The following SIGLEC12 variants were observed in gnomAD, a reference collection of about 807,000 sequenced individuals.
SIGLEC12 encodes the protein sialic acid-binding Ig-like lectin 12.
SIGLEC12 carries 43 observed loss-of-function variants against 54.1 expected under a neutral mutation model. The observed-to-expected ratio is 0.80, with a 90% CI of 0.62 to 1.03. The LOEUF (loss-of-function observed/expected upper bound fraction) is 1.03. Among genes scored for constraint, SIGLEC12 ranks in the 50% least tolerant of loss-of-function variants. The probability of loss-of-function intolerance (pLI) is 0.00; values close to 1 mark genes in which losing one functional copy is unlikely to be tolerated. For synonymous variants in SIGLEC12, 357 were observed against 307.6 expected, an observed-to-expected ratio of 1.16 and a Z score of -1.68; for missense variants, 802 against 735.2, an observed-to-expected ratio of 1.09 and a Z score of -1.05.
Position 51,496,878 on chromosome 19 carries a change from A to G in SIGLEC12, c.1599+2T>C, listed in dbSNP as rs750406844. The G allele has an allele frequency of 3.2e-5, 52 of 1,613,864 alleles. No individual in the cohort carries two copies. In the African/African-American group the frequency reaches 6.7e-4, roughly 21 times the overall value. The stretch of plus-strand genomic sequence containing the variant: ...AAGGGCTGTGATTCAATGCTCACTC[A>G]CCTGAGAGGCTGAGCCCCTGACAGC... On this transcript the variant is annotated splice_donor_variant, in intron 7 of 7. Transcript: ENST00000291707. LOFTEE classifies it high-confidence loss of function.
At position 51,500,225 on chromosome 19, in the gene SIGLEC12, G is replaced by C. The variant is rs1453931505; in HGVS notation, c.503C>G (p.Ser168Cys). 1.2e-6 allele frequency: 2 copies of C among 1,614,082 alleles called. No individual in the cohort carries two copies. The highest frequency in any genetic ancestry group is 2.7e-5 in the African/African-American group (2 of 74,908). ...SVTVQEGLCV[S>C]VPCSVLYPHY... ...GGGGTAAAGGACACTGCAGGGCACA[G>C]AGACACACAGACCCTCCTGCACAGT... is the stretch of plus-strand genomic sequence containing the variant. The change falls in exon 2 of 8, where the codon TCT (serine) becomes TGT (cysteine). Residue 168 changes from serine (S) to cysteine (C), a missense_variant. Physicochemically the swap from Ser to Cys is moderately radical, Grantham distance 112. Transcript: ENST00000291707.
At chr19:51,495,158 CGGGT>C (rs1248105468) in intron 7 of SIGLEC12, among the ~76,000 whole-genome samples, 6 of 103,350 alleles carry the variant, frequency 5.8e-5, no homozygotes, top group South Asian at 4.0e-4. Flanking sequence ...GATGGATGGA[CGGGT>C]GGGTGGGTGG....
At position 51,501,439 on chromosome 19, in the gene SIGLEC12, G is replaced by C. The variant is rs770124010; in HGVS notation, c.295C>G (p.Pro99Ala). Residue 99 changes from proline (P) to alanine (A), a missense_variant, in exon 1 of 8, where the codon CCA becomes GCA. By Grantham distance (27) the Pro-to-Ala change is conservative. Coordinates refer to ENST00000291707, the MANE Select transcript of SIGLEC12 (RefSeq NM_053003.4). ...TRDRFHLLGD[P>A]QNKDCTLSIR... is the part of the protein sequence containing the mutation. The stretch of plus-strand genomic sequence containing the variant: ...CTCAGGGTACAATCCTTGTTCTGTG[G>C]GTCCCCAAGGAGGTGGAATCGGTCC... The C allele has an allele frequency of 9.3e-6, 15 of 1,614,040 alleles. No homozygotes were observed. The Admixed American group carries it at 2.3e-4, about 25-fold the overall frequency.
chr19:51,499,069 G>C, intron 4 of SIGLEC12, 101 bp downstream of exon 4: 4 of 1,275,986 alleles, frequency 3.1e-6, no homozygotes, highest in Non-Finnish European at 4.5e-6. Flanking sequence ...GGGGGCCGGG[G>C]CTCACCCACA....
Position 51,498,073 on chromosome 19 carries a change from G to C in SIGLEC12, c.1350C>G (p.Asn450Lys). The C allele has an allele frequency of 6.2e-7, 1 of 1,614,230 alleles. No homozygotes were observed. Among genetic ancestry groups the C allele is most frequent in the South Asian group, 1.1e-5 (1 of 91,080 alleles). ...DEGEFTCRAQ[N>K]PLGSQHISLS... ...GGGAAATGTGCTGGGAGCCTAGAGG[G>C]TTCTGAGCTCGGCAGGTGAATTCCC... Residue 450 changes from asparagine (N) to lysine (K), a missense_variant, in exon 5 of 8, where the codon AAC (asparagine) becomes AAG (lysine). By Grantham distance (94) the Asn-to-Lys change is moderately conservative (BLOSUM62 0). Transcript: ENST00000291707.
intron 7 of SIGLEC12, among the ~76,000 whole-genome samples, chr19:51,496,297 C>T (rs373505915): frequency 1.3e-4 from 20 of 152,096 alleles, no homozygotes; most frequent in African/African-American, 4.1e-4. Flanking sequence ...GGAGAAACTC[C>T]GTCTCTACTA....
intron 5 of SIGLEC12, 129 bp downstream of exon 5, chr19:51,497,888 CA>C (rs1424233261): frequency 6.2e-5 from 82 of 1,315,210 alleles, no homozygotes; most frequent in Non-Finnish European, 7.5e-5. Flanking sequence ...CCCCTCTCCC[CA>C]CCCCGCACTC....
chr19:51,493,636 G>A (rs553942343), intron 7 of SIGLEC12, among the ~76,000 whole-genome samples: 4 of 152,120 alleles, frequency 2.6e-5, no homozygotes, highest in Non-Finnish European at 4.4e-5. Context: ...GCAAAAATCT[G>A]GAAGTCTTCT....
intron 7 of SIGLEC12, among the ~76,000 whole-genome samples, chr19:51,495,778 A>G (rs1442004565): frequency 1.3e-5 from 2 of 152,162 alleles, no homozygotes; most frequent in Non-Finnish European, 2.9e-5. Flanking sequence ...TCCTGAATGA[A>G]TTAATGAATG....
In SIGLEC12 at chr19:51,491,588, T is replaced by C; in HGVS notation, c.*53A>G. Reference sequence around the variant, plus strand: ...ATTCTAAAGGAATCAGTCTCGGGCTTCTTTGCTGCAGGGGTCGTGAGCCCT... The same window carrying C: ...ATTCTAAAGGAATCAGTCTCGGGCTCCTTTGCTGCAGGGGTCGTGAGCCCT... On this transcript the variant is annotated 3_prime_UTR_variant, in exon 8 of 8. Transcript: ENST00000291707. The C allele has an allele frequency of 1.9e-6, 3 of 1,556,254 alleles. No homozygotes were observed. The highest frequency in any genetic ancestry group is 2.7e-6 in the Non-Finnish European group (3 of 1,129,368).
chr19:51,499,006 A>G (rs1292882428), intron 4 of SIGLEC12, among the ~76,000 whole-genome samples, 164 bp downstream of exon 4: 2 of 151,746 alleles, frequency 1.3e-5, no homozygotes, highest in Non-Finnish European at 2.9e-5. Flanking sequence ...AAGGGGAGTG[A>G]AGGGGTGATG....
rs1568528773 is a variant in SIGLEC12, at chr19:51,495,254, T to TGGAC, written c.1599+1625_1599+1626insGTCC. 1.5e-3 allele frequency among the ~76,000 whole-genome samples: 164 copies of TGGAC among 106,010 alleles called. 5 individuals are homozygous for TGGAC. The highest frequency in any genetic ancestry group is 1.9e-3 in the Non-Finnish European group (95 of 50,700). 69.5% of individuals were successfully genotyped at this position (106,010 alleles called of 152,430 possible). A position where few individuals can be genotyped will look rare whatever the true frequency, so the allele number is the denominator to read the frequency against. On this transcript the variant is annotated intron_variant, in intron 7 of 7. Transcript: ENST00000291707. Reference sequence around the variant, plus strand: ...ATGGATGGATGGATGGATGGACGGGTGGGTGGGTGGATGGATGGATGGATG... The same window carrying TGGAC: ...ATGGATGGATGGATGGATGGACGGGTGGACGGGTGGGTGGATGGATGGATGGATG...
chr19:51,500,381 G>A (rs768900306), intron 1 of SIGLEC12, 81 bp from the exon 2 acceptor site: 14 of 1,609,916 alleles, frequency 8.7e-6, no homozygotes, highest in Non-Finnish European at 1.0e-5. Context: ...CATCTCTGAG[G>A]CAGAGGCTTC....
chr19:51,491,477 G>T lies in SIGLEC12; in HGVS notation c.*164C>A. 2 of 662,024 alleles carry T rather than the reference G, an allele frequency of 3.0e-6. No homozygotes were observed. The highest frequency in any genetic ancestry group is 2.6e-6 in the Non-Finnish European group (1 of 387,986). The allele number at this position is 662,024 out of a possible 1,614,324, so 41.0% of individuals were successfully genotyped here. ...GTGTGGACCGATTGGATGGAGAAAG[G>T]GAGAGTTTGGTCATCAGGCACGCAT... On this transcript the variant is annotated 3_prime_UTR_variant, in exon 8 of 8. Transcript: ENST00000291707.
At position 51,491,971 on chromosome 19, in the gene SIGLEC12, A is replaced by G. The variant is rs556190405; in HGVS notation, c.1600-142T>C. The G allele has an allele frequency of 2.1e-5, 12 of 568,572 alleles. No individual in the cohort carries two copies. In the East Asian group the frequency reaches 2.5e-4, roughly 12 times the overall value. 35.2% of individuals were successfully genotyped at this position (568,572 alleles called of 1,614,324 possible). On this transcript the variant is annotated intron_variant, in intron 7 of 7. Transcript: ENST00000291707. ...TGAAATCTCTTTAATACGTTCCTCTAATGTCTAATACTCAATTATCACCTT... is the reference window on the plus strand; with the variant it reads ...TGAAATCTCTTTAATACGTTCCTCTGATGTCTAATACTCAATTATCACCTT...
In SIGLEC12 at chr19:51,498,203, G is replaced by C; in HGVS notation, c.1220C>G (p.Pro407Arg). Residue 407 changes from proline (P) to arginine (R), a missense_variant, in exon 5 of 8, where the codon CCC becomes CGC. Transcript: ENST00000291707. ...LHLVCAVDSN[P>R]PARLSWTWGS... ...CCAGGTCCAGCTCAGCCTGGCAGGG[G>C]GATTGCTGTCGACAGCACAGACAAG... is the stretch of plus-strand genomic sequence containing the variant. The C allele has an allele frequency of 6.2e-7, 1 of 1,614,164 alleles. No homozygotes were observed. Among genetic ancestry groups the C allele is most frequent in the Non-Finnish European group, 8.5e-7 (1 of 1,179,996 alleles).
At chr19:51,497,540 A>G in intron 5 of SIGLEC12, 95 bp from the exon 6 acceptor site, 1 of 840,998 alleles carries the variant, frequency 1.2e-6, no homozygotes, top group Non-Finnish European at 1.9e-6. Flanking sequence ...TGGGTACCCC[A>G]GTCCCGCTTC....
rs770477797 is a variant in SIGLEC12 at position 51,499,637 on chromosome 19, G to C, written c.888C>G (p.Pro296=). 17 of 1,614,094 alleles carry C rather than the reference G, an allele frequency of 1.1e-5. No homozygotes were observed. In the Admixed American group the frequency reaches 2.7e-4, roughly 25 times the overall value. ...GGGGCGTCCCCTGTTCACAGGCCCA[G>C]GGCACAGAGCAGGTCAGGTTCCTGG... The part of the protein sequence containing the change: ...GHPRNLTCSV[P]WACEQGTPPT... The change falls in exon 3 of 8, where the codon CCC becomes CCG. Residue 296 remains proline, a synonymous_variant. Coordinates refer to ENST00000291707, the MANE Select transcript of SIGLEC12 (RefSeq NM_053003.4).
chr19:51,500,173 AG>A lies in SIGLEC12; in HGVS notation c.554del (p.Pro185LeufsTer49), dbSNP rs1242117364. On this transcript the variant is annotated frameshift_variant, in exon 2 of 8. Coordinates refer to ENST00000291707, the MANE Select transcript of SIGLEC12 (RefSeq NM_053003.4). LOFTEE classifies it high-confidence loss of function. ...CTTCCTTGAACCAGGATCCATAAAC[AG>A]GGCTAGAGGCAGTCCAGTTGTAATG... ...YPHYNWTASSPVYGSWFKEGA... is the reference protein window; with the variant it reads ...YPHYNWTASSXVYGSWFKEGA... 6.2e-7 allele frequency: 1 copy of A among 1,614,032 alleles called. No individual in the cohort carries two copies. Among genetic ancestry groups the A allele is most frequent in the African/African-American group, 1.3e-5 (1 of 74,910 alleles).
Sources: allele counts gnomAD v4.1 joint callset (sites outside exome capture counted in the v4.1 genomes callset), GRCh38; gene constraint gnomAD v4.1.1; transcripts MANE v1.5; gene names NCBI Gene and HGNC (gene_info 2026-07-23, HGNC 2026-07-21).